The following DGKB variants were observed in gnomAD, a reference collection of about 807,000 sequenced individuals.
DGKB encodes the protein diacylglycerol kinase beta, also known as 90 kDa diacylglycerol kinase.
In DGKB, 67 loss-of-function variants were observed where a neutral mutation model predicts 114.3. The ratio of observed to expected loss-of-function variants is 0.59; its 90% CI spans 0.48 to 0.72. The LOEUF (loss-of-function observed/expected upper bound fraction) is 0.72. Ranked by LOEUF, DGKB falls within the 30% of genes least tolerant of loss-of-function variation. The pLI, the probability that DGKB is intolerant of heterozygous loss-of-function variation, is 0.00. For missense variants in DGKB, 907 were observed against 975.2 expected (o/e 0.93, Z 0.93); for synonymous variants, 398 against 323.1 (o/e 1.23, Z -2.49).
At chr7:14,368,023 G>A (rs952993739) in intron 21 of DGKB, among the ~76,000 whole-genome samples, 17 of 152,102 alleles carry the variant, frequency 1.1e-4, no homozygotes, top group African/African-American at 3.4e-4. Flanking sequence ...TTTTTGACAT[G>A]ATATTTTCTT....
Position 14,316,400 on chromosome 7 carries a change from G to GA in DGKB, c.2122+22114dup, listed in dbSNP as rs766321266. On this transcript the variant is annotated intron_variant, in intron 23 of 25. Transcript: ENST00000402815. ...ATAGACCGCTAGCAAGACTAATAAAGAAAAAAAGAGAGAAGAATCAAATAG... is the reference window on the plus strand; with the variant it reads ...ATAGACCGCTAGCAAGACTAATAAAGAAAAAAAAGAGAGAAGAATCAAATAG... Among the ~76,000 whole-genome samples the GA allele has an allele frequency of 2.4e-3, 284 of 119,046 alleles. 1 individual carries two copies. In the Middle Eastern group the frequency reaches 0.028, roughly 12 times the overall value. 78.1% of individuals were successfully genotyped at this position (119,046 alleles called of 152,430 possible). A position where few individuals can be genotyped will look rare whatever the true frequency, so the allele number is the denominator to read the frequency against.
chr7:14,742,632 A>G (rs1832738824), intron 4 of DGKB, among the ~76,000 whole-genome samples: 2 of 152,208 alleles, frequency 1.3e-5, no homozygotes, highest in Non-Finnish European at 2.9e-5. Context: ...GCCTGAGGAC[A>G]TACTGAATTA....
At chr7:14,318,473 G>A (rs1341337841) in intron 23 of DGKB, among the ~76,000 whole-genome samples, 4 of 152,282 alleles carry the variant, frequency 2.6e-5, no homozygotes, top group South Asian at 4.1e-4. Flanking sequence ...AAAAGTGGGC[G>A]AAGGACATCA....
At chr7:14,822,863 T>G (rs1845135564) in intron 2 of DGKB, among the ~76,000 whole-genome samples, 2 of 152,250 alleles carry the variant, frequency 1.3e-5, no homozygotes, top group South Asian at 4.1e-4. Context: ...CTTCTGATTA[T>G]GACAATCTAT....
rs1781669978 is a variant in DGKB, at chr7:14,148,065, G to A, written c.*1066C>T. On this transcript the variant is annotated 3_prime_UTR_variant, in exon 26 of 26. Transcript: ENST00000402815. The stretch of plus-strand genomic sequence containing the variant: ...TTACTTCCTTCAAGTGTACTTAACT[G>A]ATCCATGAAAAATTACACCTATATT... 6.6e-6 allele frequency: 1 copy of A among 152,046 alleles called. No homozygotes were observed. The highest frequency in any genetic ancestry group is 2.4e-5 in the African/African-American group (1 of 41,414). The allele number at this position is 152,046 out of a possible 1,614,324, so 9.4% of individuals were successfully genotyped here.
At chr7:14,923,089 T>C (rs1367015710) in intron 1 of DGKB, among the ~76,000 whole-genome samples, 4 of 152,202 alleles carry the variant, frequency 2.6e-5, no homozygotes, top group Admixed American at 2.0e-4. Flanking sequence ...GTATTTTTGG[T>C]ACACAGTTTG....
intron 1 of DGKB, among the ~76,000 whole-genome samples, chr7:14,950,943 A>G (rs73288907): frequency 0.079 from 11,948 of 151,982 alleles, 1,456 homozygotes; most frequent in African/African-American, 0.27. Flanking sequence ...TTTACATCCA[A>G]ACATCATTTA....
intron 4 of DGKB, among the ~76,000 whole-genome samples, chr7:14,747,779 G>GCACACACACACACACA (rs11276008): frequency 6.7e-6 from 1 of 148,602 alleles, no homozygotes; most frequent in South Asian, 2.1e-4. Flanking sequence ...CCACGCGCAC[G>GCACACACACACACACA]CACACACACA....
intron 2 of DGKB, among the ~76,000 whole-genome samples, chr7:14,826,773 T>C (rs1171434666): frequency 1.3e-5 from 2 of 152,154 alleles, no homozygotes; most frequent in East Asian, 1.9e-4. Flanking sequence ...GGAGACTAAA[T>C]GTGTTAACAT....
At chr7:14,449,394 G>T (rs562853492) in intron 21 of DGKB, among the ~76,000 whole-genome samples, 61 of 151,984 alleles carry the variant, frequency 4.0e-4, no homozygotes, top group African/African-American at 1.4e-3. Flanking sequence ...AAGCCTTCTG[G>T]GATATAAATT....
intron 23 of DGKB, among the ~76,000 whole-genome samples, chr7:14,336,753 A>C (rs1202003114): frequency 2.0e-5 from 3 of 152,204 alleles, no homozygotes; most frequent in African/African-American, 7.2e-5. Context: ...GAGTGAGCCC[A>C]GGTAAATGAC....
chr7:14,412,184 A>G lies in DGKB; in HGVS notation c.1835+65977T>C, dbSNP rs1824998610. ...ATAAACATTCACCTATTCAGAAAAA[A>G]TTTGCTGAATTGCTGCTATAAAGCA... On this transcript the variant is annotated intron_variant, in intron 21 of 25. Transcript: ENST00000402815. Among the ~76,000 whole-genome samples, 2 of 152,166 alleles carry G rather than the reference A, an allele frequency of 1.3e-5. 1 individual carries two copies. The highest frequency in any genetic ancestry group is 2.9e-5 in the Non-Finnish European group (2 of 68,030).
intron 1 of DGKB, among the ~76,000 whole-genome samples, chr7:14,926,172 T>C (rs1784741167): frequency 6.6e-6 from 1 of 152,140 alleles, no homozygotes; most frequent in African/African-American, 2.4e-5. Context: ...ACTGTTTCTG[T>C]GATGGATTAC....
chr7:14,737,898 A>C (rs1241823475), intron 4 of DGKB, among the ~76,000 whole-genome samples: 1 of 152,010 alleles, frequency 6.6e-6, no homozygotes, highest in Admixed American at 6.6e-5. Flanking sequence ...GTCTCAAAAA[A>C]AAAAAAAAAA....
intron 21 of DGKB, among the ~76,000 whole-genome samples, chr7:14,367,525 T>C (rs530637130): frequency 1.0e-3 from 157 of 151,984 alleles, no homozygotes; most frequent in African/African-American, 3.5e-3. Flanking sequence ...TGTGAGTCCA[T>C]TAAACCTCTT....
chr7:14,920,963 A>G (rs1784486091), intron 1 of DGKB, among the ~76,000 whole-genome samples: 1 of 151,918 alleles, frequency 6.6e-6, no homozygotes, highest in Non-Finnish European at 1.5e-5. Context: ...TTCCATTCCC[A>G]CTCTAGGTTC....
chr7:14,276,762 C>T (rs1799064032), intron 23 of DGKB, among the ~76,000 whole-genome samples: 1 of 151,768 alleles, frequency 6.6e-6, no homozygotes, highest in Admixed American at 6.6e-5. Context: ...ACACAATAAC[C>T]ACATGATGTA....
At chr7:14,449,945 G>A (rs1831242306) in intron 21 of DGKB, among the ~76,000 whole-genome samples, 1 of 152,034 alleles carries the variant, frequency 6.6e-6, no homozygotes, top group African/African-American at 2.4e-5. Context: ...ACATATGATA[G>A]TGTGGAAAGT....
intron 4 of DGKB, among the ~76,000 whole-genome samples, chr7:14,750,822 A>G (rs1834014206): frequency 1.6e-5 from 1 of 64,016 alleles, no homozygotes; most frequent in South Asian, 5.4e-4. Flanking sequence ...TTTTTCTGAG[A>G]CAGAGTCTCA....
Sources: gnomAD v4.1 joint callset for allele counts (sites outside exome capture counted in the v4.1 genomes callset) on GRCh38, gnomAD v4.1.1 for gene constraint, MANE v1.5 for transcripts, NCBI Gene and HGNC (gene_info 2026-07-23, HGNC 2026-07-21) for gene names.